MACF1: variants seen among roughly 807,000 people sequenced by gnomAD.
MACF1 encodes the protein microtubule-actin cross-linking factor 1.
Under a neutral mutation model 854.8 loss-of-function variants are expected in MACF1, and 193 were observed. The observed-to-expected ratio is 0.23, with a 90% CI of 0.20 to 0.25. The LOEUF (loss-of-function observed/expected upper bound fraction) is 0.25, where lower values mean the gene tolerates loss of function less well. Among genes scored for constraint, MACF1 ranks in the 10% least tolerant of loss-of-function variants. MACF1 has a pLI of 1.00. For synonymous variants in MACF1, 3,185 were observed against 3,226.7 expected (o/e 0.99, Z 0.44); for missense variants, 7,722 against 8,929.1 (o/e 0.86, Z 5.45).
At chr1:39,155,077 G>GT (rs1643657032) in intron 2 of MACF1, among the ~76,000 whole-genome samples, 1 of 152,158 alleles carries the variant, frequency 6.6e-6, no homozygotes, top group Non-Finnish European at 1.5e-5. Context: ...GGCATGCAGA[G>GT]TTATTGAACT....
rs1648184698 is a variant in MACF1 at position 39,361,487 on chromosome 1, G to A, written c.12581G>A (p.Ser4194Asn). ...AVLQGKLAEV[S>N]QRFEQLCLQQ... The stretch of plus-strand genomic sequence containing the variant: ...CTGCAGGGCAAACTGGCAGAGGTGA[G>A]CCAGCGGTTCGAACAGCTCTGTCTA... The change falls in exon 49 of 101, where the codon AGC becomes AAC. Residue 4194 changes from serine (S) to asparagine (N), a missense_variant. Physicochemically the swap from Ser to Asn is conservative, Grantham distance 46. Coordinates refer to ENST00000564288, the MANE Select transcript of MACF1 (RefSeq NM_001394062.1). 3 of 1,614,076 alleles carry A rather than the reference G, an allele frequency of 1.9e-6. No individual in the cohort carries two copies. The African/African-American group carries it at 4.0e-5, about 22-fold the overall frequency.
Position 39,242,869 on chromosome 1 carries a change from A to G in MACF1, c.172-7145A>G, listed in dbSNP as rs953644624. 1.8e-4 allele frequency among the ~76,000 whole-genome samples: 27 copies of G among 152,098 alleles called. 1 individual carries two copies. The highest frequency in any genetic ancestry group is 3.4e-4 in the Non-Finnish European group (23 of 68,020). ...AGACCAGCCTGGGTAACATACTGAGACACCATCTTGCCCCCGCAACCCCTG... is the reference window on the plus strand; with the variant it reads ...AGACCAGCCTGGGTAACATACTGAGGCACCATCTTGCCCCCGCAACCCCTG... On this transcript the variant is annotated intron_variant, in intron 2 of 100. Coordinates refer to ENST00000564288, the MANE Select transcript of MACF1 (RefSeq NM_001394062.1).
intron 69 of MACF1, 64 bp downstream of exon 69, chr1:39,434,696 A>G: frequency 2.7e-6 from 4 of 1,459,010 alleles, no homozygotes; most frequent in Non-Finnish European, 3.8e-6. Flanking sequence ...ATTTAAAAAC[A>G]ACATTTGTTA....
At chr1:39,090,798 A>G (rs1206073126) in intron 2 of MACF1, among the ~76,000 whole-genome samples, 14 of 152,120 alleles carry the variant, frequency 9.2e-5, no homozygotes, top group African/African-American at 2.9e-4. Flanking sequence ...CTGCAGCAGG[A>G]TCTAGGGCTG....
rs554438484 is a variant in MACF1 at position 39,198,642 on chromosome 1, G to A, written c.221-32540G>A. 5.4e-4 allele frequency among the ~76,000 whole-genome samples: 76 copies of A among 140,322 alleles called. 1 individual carries two copies. The highest frequency in any genetic ancestry group is 1.9e-3 in the African/African-American group (69 of 36,958). The allele number at this position is 140,322 out of a possible 152,430, so 92.1% of individuals were successfully genotyped here. The stretch of plus-strand genomic sequence containing the variant: ...CTCCAGCCTAGGCAACAGAGCAAGA[G>A]CGAAACTCCGTCTCAAAAAAAAAAA... On this transcript the variant is annotated intron_variant, in intron 2 of 93. Transcript: ENST00000361689.
chr1:39,162,605 A>G (rs930837788), intron 2 of MACF1, among the ~76,000 whole-genome samples: 1 of 152,080 alleles, frequency 6.6e-6, no homozygotes, highest in Non-Finnish European at 1.5e-5. Flanking sequence ...ATTATGTTTT[A>G]GTTATTTTAT....
chr1:39,374,905 T>C (rs1046341491), intron 52 of MACF1, among the ~76,000 whole-genome samples: 8 of 152,036 alleles, frequency 5.3e-5, no homozygotes, highest in Non-Finnish European at 1.0e-4. Context: ...GGTCAGGTGA[T>C]CGAGACCATC....
chr1:39,413,121 C>A, intron 58 of MACF1: 2 of 1,610,060 alleles, frequency 1.2e-6, no homozygotes, highest in Non-Finnish European at 1.7e-6. Flanking sequence ...CAGGGTTCTC[C>A]CCAGAGTGGG....
Position 39,151,185 on chromosome 1 carries a change from T to A in MACF1, c.220+66747T>A, listed in dbSNP as rs568351778. Reference sequence around the variant, plus strand: ...GAGATATTTGGGAATCATTTGATAATCTTCCTTCTCTTTGTCCATACACCC... The same window carrying A: ...GAGATATTTGGGAATCATTTGATAAACTTCCTTCTCTTTGTCCATACACCC... On this transcript the variant is annotated intron_variant, in intron 2 of 93. Coordinates refer to the MACF1 transcript ENST00000361689. Among the ~76,000 whole-genome samples the A allele has an allele frequency of 4.6e-5, 7 of 152,338 alleles. No homozygotes were observed. The South Asian group carries it at 1.5e-3, about 32-fold the overall frequency.
At chr1:39,320,256 A>G (rs895866299) in intron 31 of MACF1, among the ~76,000 whole-genome samples, 2 of 152,094 alleles carry the variant, frequency 1.3e-5, no homozygotes, top group Admixed American at 6.5e-5. Context: ...TTAGACTACT[A>G]CAGTACCCTC....
intron 97 of MACF1, among the ~76,000 whole-genome samples, chr1:39,475,866 T>C (rs1023367604): frequency 2.0e-5 from 3 of 152,032 alleles, no homozygotes; most frequent in Non-Finnish European, 4.4e-5. Flanking sequence ...CCAGGTCAAG[T>C]CTAAGGGGAG....
intron 2 of MACF1, among the ~76,000 whole-genome samples, chr1:39,129,636 A>G (rs1444301554): frequency 6.6e-6 from 1 of 152,214 alleles, no homozygotes; most frequent in Non-Finnish European, 1.5e-5. Context: ...TACCAGCCCT[A>G]GACCTTAAGG....
intron 50 of MACF1, 98 bp downstream of exon 50, chr1:39,368,412 G>A (rs1330497980): frequency 2.4e-6 from 3 of 1,275,912 alleles, no homozygotes; most frequent in South Asian, 1.5e-5. Context: ...CAGAACAGAT[G>A]GCATCTAAAA....
intron 97 of MACF1, among the ~76,000 whole-genome samples, chr1:39,476,755 T>C (rs1644891933): frequency 6.6e-6 from 1 of 152,014 alleles, no homozygotes; most frequent in African/African-American, 2.4e-5. Context: ...AGTTAAAATT[T>C]TGCATGAGAC....
rs3839022 is a variant in MACF1 at position 39,486,070 on chromosome 1, TAAAA to T, written c.*285_*288del. The T allele has an allele frequency of 8.6e-6, 2 of 232,034 alleles. No individual in the cohort carries two copies. Among genetic ancestry groups the T allele is most frequent in the Non-Finnish European group, 1.6e-5 (2 of 124,564 alleles). 14.4% of individuals were successfully genotyped at this position (232,034 alleles called of 1,614,324 possible). The stretch of plus-strand genomic sequence containing the variant: ...AAAAGGTCAAGATACAAATGTGTAT[TAAAA>T]AAAAAAAAGCCTATTAATAGGGTTT... On this transcript the variant is annotated 3_prime_UTR_variant, in exon 101 of 101. Transcript: ENST00000564288.
rs114729823 is a variant in MACF1 at position 39,121,691 on chromosome 1, G to A, written c.220+37253G>A. 3.6e-3 allele frequency among the ~76,000 whole-genome samples: 548 copies of A among 152,258 alleles called. 2 individuals carry two copies. In the Middle Eastern group the frequency reaches 0.041, roughly 11 times the overall value. ...TCAAACTCCTGACCTCAGGTAGTCC[G>A]CTCGTCTTGGCCTCCCAAAGTGCTA... On this transcript the variant is annotated intron_variant, in intron 2 of 93. Transcript: ENST00000361689.
At chr1:39,355,681 G>A (rs1194448509) in intron 44 of MACF1, among the ~76,000 whole-genome samples, 1 of 152,022 alleles carries the variant, frequency 6.6e-6, no homozygotes, top group Non-Finnish European at 1.5e-5. Flanking sequence ...GGCCAGCATG[G>A]TCTCGATCTC....
intron 46 of MACF1, 97 bp from the exon 47 acceptor site, chr1:39,359,044 T>TA (rs1647838145): frequency 6.7e-7 from 1 of 1,502,474 alleles, no homozygotes; most frequent in Non-Finnish European, 9.1e-7. Flanking sequence ...TGGTTAAACT[T>TA]ACAATTATTC....
chr1:39,370,254 C>T, intron 51 of MACF1, 68 bp downstream of exon 51: 1 of 1,372,466 alleles, frequency 7.3e-7, no homozygotes, highest in Non-Finnish European at 9.8e-7. Flanking sequence ...TAACTGGTCT[C>T]CAGCTGTGGT....
Sources: allele counts gnomAD v4.1 joint callset (sites outside exome capture counted in the v4.1 genomes callset), GRCh38; gene constraint gnomAD v4.1.1; transcripts MANE v1.5; gene names NCBI Gene and HGNC (gene_info 2026-07-23, HGNC 2026-07-21).